NCKAP5: variants seen among roughly 807,000 people sequenced by gnomAD.
NCKAP5 encodes the protein NCK associated protein 5.
A neutral mutation model predicts 167.0 loss-of-function variants in NCKAP5; 92 were observed. The ratio of observed to expected loss-of-function variants is 0.55; its 90% CI spans 0.47 to 0.66. The LOEUF (loss-of-function observed/expected upper bound fraction) is 0.66, where lower values mean the gene tolerates loss of function less well. NCKAP5 is among the 30% of genes least tolerant of loss of function. NCKAP5 has a pLI of 0.00. For synonymous variants in NCKAP5, 891 were observed against 877.4 expected (o/e 1.02, Z -0.27); for missense variants, 2,378 against 2,315.0 (o/e 1.03, Z -0.56).
the NCKAP5 span, among the ~76,000 whole-genome samples, chr2:133,578,093 A>C: frequency 6.6e-6 from 1 of 152,214 alleles, no homozygotes; most frequent in East Asian, 1.9e-4. Flanking sequence ...TAAAGGAAAC[A>C]ATGTGCTCCT....
intron 16 of NCKAP5, among the ~76,000 whole-genome samples, chr2:132,765,125 A>G (rs2104887320): frequency 6.6e-6 from 1 of 152,308 alleles, no homozygotes; most frequent in Admixed American, 6.5e-5. Context: ...TTATTCATAC[A>G]TATGGTAGTG....
At chr2:133,461,849 G>A (rs1692218198) in intron 3 of NCKAP5, among the ~76,000 whole-genome samples, 1 of 152,152 alleles carries the variant, frequency 6.6e-6, no homozygotes, top group South Asian at 2.1e-4. Flanking sequence ...AACATGAAAC[G>A]TGAAGATTTC....
At chr2:133,317,896 G>T (rs1402111075) in intron 3 of NCKAP5, among the ~76,000 whole-genome samples, 1 of 152,262 alleles carries the variant, frequency 6.6e-6, no homozygotes, top group Non-Finnish European at 1.5e-5. Context: ...GAAACAAAAG[G>T]GTGGCAGAGT....
chr2:133,622,546 C>CACAAAA, the NCKAP5 span, among the ~76,000 whole-genome samples: 2 of 151,264 alleles, frequency 1.3e-5, no homozygotes, highest in East Asian at 3.9e-4. Flanking sequence ...TAGCTGCAAA[C>CACAAAA]ACAAAAACAA....
At position 132,773,883 on chromosome 2, in the gene NCKAP5, T is replaced by C. The variant is rs757269456; in HGVS notation, c.5061A>G (p.Ala1687=). 1.9e-5 allele frequency: 30 copies of C among 1,610,720 alleles called. No individual in the cohort carries two copies. The highest frequency in any genetic ancestry group is 4.2e-6 in the Non-Finnish European group (5 of 1,179,060). ...CTTCATCCTCTTGCAAGTTTTCATTTGCCTCTTTTACCTGCAGGAAGAAGA... is the reference window on the plus strand; with the variant it reads ...CTTCATCCTCTTGCAAGTTTTCATTCGCCTCTTTTACCTGCAGGAAGAAGA... ...EVPKDSLVKE[A]NENLQEDEDD... Residue 1687 remains alanine (A), a synonymous_variant, in exon 16 of 20, where the codon GCA becomes GCG. Coordinates refer to ENST00000409261, the MANE Select transcript of NCKAP5 (RefSeq NM_207363.3).
chr2:132,778,863 CT>C (rs1417015653), intron 15 of NCKAP5, among the ~76,000 whole-genome samples: 1 of 152,142 alleles, frequency 6.6e-6, no homozygotes. Context: ...CCCTCCTATT[CT>C]TGTACCAGTC....
chr2:132,763,966 C>T (rs907779458), intron 16 of NCKAP5, among the ~76,000 whole-genome samples: 3 of 151,954 alleles, frequency 2.0e-5, no homozygotes, highest in African/African-American at 7.3e-5. Context: ...CTGGTGCAAT[C>T]GATAGGAGTA....
intron 15 of NCKAP5, among the ~76,000 whole-genome samples, chr2:132,780,683 A>T (rs1258314767): frequency 6.6e-6 from 1 of 152,230 alleles, no homozygotes; most frequent in African/African-American, 2.4e-5. Context: ...AATCATGTTC[A>T]TTCCTTTTTG....
At chr2:133,268,521 C>T (rs1364417725) in intron 4 of NCKAP5, 1 of 132,396 alleles carries the variant, frequency 7.6e-6, no homozygotes, top group Non-Finnish European at 1.5e-5. Flanking sequence ...CTCGCTCTGT[C>T]ACCCAGGCTG....
At chr2:132,931,122 T>C (rs1401903981) in intron 8 of NCKAP5, 1 of 152,198 alleles carries the variant, frequency 6.6e-6, no homozygotes, top group Non-Finnish European at 1.5e-5. Context: ...AGAAAAATAG[T>C]GTGCTAGCCT....
the NCKAP5 span, among the ~76,000 whole-genome samples, chr2:133,649,428 C>A: frequency 6.6e-6 from 1 of 151,236 alleles, no homozygotes; most frequent in African/African-American, 2.4e-5. Flanking sequence ...AAAGACAACA[C>A]AAAAAAAGAA....
intron 4 of NCKAP5, among the ~76,000 whole-genome samples, chr2:133,291,116 A>G (rs1419528462): frequency 6.6e-6 from 1 of 152,224 alleles, no homozygotes; most frequent in Non-Finnish European, 1.5e-5. Flanking sequence ...ACAAAGTTAC[A>G]CAAAACACAT....
intron 11 of NCKAP5, among the ~76,000 whole-genome samples, chr2:132,851,238 G>T (rs1689053320): frequency 1.3e-5 from 2 of 152,146 alleles, no homozygotes; most frequent in Non-Finnish European, 2.9e-5. Flanking sequence ...TCTGTCTGGA[G>T]ATTTCTATTA....
intron 4 of NCKAP5, among the ~76,000 whole-genome samples, chr2:133,255,266 A>T (rs1233563616): frequency 1.3e-5 from 2 of 152,240 alleles, no homozygotes; most frequent in East Asian, 3.8e-4. Flanking sequence ...GCCTCCTTCC[A>T]GGATAAATGT....
intron 3 of NCKAP5, among the ~76,000 whole-genome samples, chr2:133,407,546 G>A (rs1688513734): frequency 6.6e-6 from 1 of 152,176 alleles, no homozygotes; most frequent in South Asian, 2.1e-4. Flanking sequence ...CGTGGTGCAG[G>A]CGCTGTGCCG....
At chr2:133,091,554 G>C (rs766538511) in intron 6 of NCKAP5, among the ~76,000 whole-genome samples, 26 of 152,032 alleles carry the variant, frequency 1.7e-4, no homozygotes, top group Non-Finnish European at 3.4e-4. Context: ...TTTTATGAAT[G>C]AATATTTAGA....
Position 133,202,743 on chromosome 2 carries a change from AC to A in NCKAP5, c.207+10972del, listed in dbSNP as rs552099382. ...AAGTGAGCAAAGGAGATCAACAAAC[AC>A]TTCTCAAAAGAAGACATTTATGCAG... is the stretch of plus-strand genomic sequence containing the variant. On this transcript the variant is annotated intron_variant, in intron 5 of 19. Transcript: ENST00000409261. 2.7e-4 allele frequency among the ~76,000 whole-genome samples: 41 copies of A among 152,330 alleles called. 1 individual carries two copies. In the East Asian group the frequency reaches 6.0e-3, roughly 22 times the overall value.
At chr2:132,896,504 G>A (rs146554950) in intron 8 of NCKAP5, among the ~76,000 whole-genome samples, 6 of 152,304 alleles carry the variant, frequency 3.9e-5, no homozygotes, top group African/African-American at 1.2e-4. Flanking sequence ...GGTGATAAGG[G>A]TTGAGGGGAA....
intron 6 of NCKAP5, among the ~76,000 whole-genome samples, chr2:133,114,588 C>T (rs1389958683): frequency 6.6e-6 from 1 of 152,072 alleles, no homozygotes; most frequent in Non-Finnish European, 1.5e-5. Flanking sequence ...CATTTGTTTT[C>T]TTTTTTGCAG....
Sources: allele counts gnomAD v4.1 joint callset (sites outside exome capture counted in the v4.1 genomes callset), GRCh38; gene constraint gnomAD v4.1.1; transcripts MANE v1.5; gene names NCBI Gene and HGNC (gene_info 2026-07-23, HGNC 2026-07-21).